The following PABPC4 variants were observed in gnomAD, a reference collection of about 807,000 sequenced individuals.
PABPC4 encodes the protein poly(A) binding protein cytoplasmic 4.
PABPC4 carries 15 observed loss-of-function variants against 74.5 expected under a neutral mutation model. The ratio of observed to expected loss-of-function variants is 0.20; its 90% CI spans 0.13 to 0.31. The LOEUF (loss-of-function observed/expected upper bound fraction) is 0.31. Among genes scored for constraint, PABPC4 ranks in the 10% least tolerant of loss-of-function variants. The pLI is 1.00. For missense variants in PABPC4, 610 were observed against 853.5 expected (o/e 0.71, Z 3.55); for synonymous variants, 345 against 303.0 (o/e 1.14, Z -1.44).
intron 12 of PABPC4, 138 bp downstream of exon 12, chr1:39,563,476 G>A: frequency 8.8e-7 from 1 of 1,132,002 alleles, no homozygotes; most frequent in Non-Finnish European, 1.2e-6. Context: ...CTGAAGGGCA[G>A]GGACAGTGAA....
intron 1 of PABPC4, 124 bp downstream of exon 1, chr1:39,575,635 G>T (rs2124018714): frequency 4.2e-6 from 3 of 722,062 alleles, no homozygotes; most frequent in East Asian, 6.4e-5. Flanking sequence ...TCCGCACCCT[G>T]CTCCCAGCTT....
At chr1:39,573,963 G>A (rs547249751) in intron 1 of PABPC4, among the ~76,000 whole-genome samples, 1 of 152,310 alleles carries the variant, frequency 6.6e-6, no homozygotes, top group East Asian at 1.9e-4. Flanking sequence ...TCCTAACGGT[G>A]ACATCACCCA....
At chr1:39,574,176 T>C (rs1275784181) in intron 1 of PABPC4, among the ~76,000 whole-genome samples, 2 of 152,272 alleles carry the variant, frequency 1.3e-5, no homozygotes, top group East Asian at 3.9e-4. Flanking sequence ...GTGGGCCTCA[T>C]CTGTGTGGGG....
chr1:39,569,839 A>G, intron 4 of PABPC4, 24 bp downstream of exon 4: 2 of 1,612,852 alleles, frequency 1.2e-6, no homozygotes, highest in Non-Finnish European at 1.7e-6. Flanking sequence ...AGACTGTGAA[A>G]GGAGACAAGG....
chr1:39,562,229 A>G, intron 13 of PABPC4, 26 bp from the exon 14 acceptor site: 1 of 1,614,012 alleles, frequency 6.2e-7, no homozygotes, highest in Non-Finnish European at 8.5e-7. Flanking sequence ...TTAATAAAAA[A>G]ACAAATCAAA....
chr1:39,562,306 G>GC lies in PABPC4; in HGVS notation c.1762+16dup. On this transcript the variant is annotated intron_variant, in intron 13 of 15. Coordinates refer to ENST00000372858, the MANE Select transcript of PABPC4 (RefSeq NM_001135653.2). Reference sequence around the variant, plus strand: ...GCTCTGGGACCCTCTTCTTCTGCAAGCAAGTGGGTCACTCACCCAGCATCT... The same window carrying GC: ...GCTCTGGGACCCTCTTCTTCTGCAAGCCAAGTGGGTCACTCACCCAGCATCT... 3 of 1,612,012 alleles carry GC rather than the reference G, an allele frequency of 1.9e-6. No individual in the cohort carries two copies. Among genetic ancestry groups the GC allele is most frequent in the Non-Finnish European group, 2.5e-6 (3 of 1,178,236 alleles).
chr1:39,568,705 C>T, intron 6 of PABPC4, 97 bp downstream of exon 6: 2 of 1,159,566 alleles, frequency 1.7e-6, no homozygotes, highest in South Asian at 2.9e-5. Context: ...GAAGAACACA[C>T]TCCAAGTCCT....
At chr1:39,568,726 G>A (rs1645890908) in intron 6 of PABPC4, 76 bp downstream of exon 6, 3 of 1,397,340 alleles carry the variant, frequency 2.1e-6, no homozygotes, top group South Asian at 2.6e-5. Flanking sequence ...CAAAAAGAAA[G>A]CCCGCTAAAC....
At chr1:39,564,161 C>CT (rs758355582) in intron 10 of PABPC4, 242 of 614,246 alleles carry the variant, frequency 3.9e-4, no homozygotes, top group Non-Finnish European at 6.2e-4. Flanking sequence ...CAAGCTGCCT[C>CT]TGTGGTCATC....
At chr1:39,562,935 C>T (rs114549222) in intron 12 of PABPC4, 2,200 of 153,402 alleles carry the variant, frequency 0.014, 40 homozygotes, top group African/African-American at 0.05. Flanking sequence ...CAACATGCAA[C>T]GTCAATGCTA....
chr1:39,569,318 A>G (rs577767191), intron 5 of PABPC4, among the ~76,000 whole-genome samples: 47 of 152,332 alleles, frequency 3.1e-4, no homozygotes, highest in African/African-American at 1.1e-3. Flanking sequence ...ATCAGCACTC[A>G]CTGGGCTTTA....
intron 7 of PABPC4, among the ~76,000 whole-genome samples, chr1:39,566,070 C>CT (rs1486718059): frequency 6.6e-6 from 1 of 152,124 alleles, no homozygotes; most frequent in Non-Finnish European, 1.5e-5. Context: ...TAGGTGTTTT[C>CT]TTTGAGTCCC....
chr1:39,569,422 A>C (rs1645903121), intron 5 of PABPC4, 173 bp downstream of exon 5: 3 of 613,438 alleles, frequency 4.9e-6, no homozygotes, highest in Non-Finnish European at 8.8e-6. Flanking sequence ...CTTTGTAAAC[A>C]CCTACATGAA....
chr1:39,569,010 A>C (rs1009857019), intron 5 of PABPC4, 71 bp from the exon 6 acceptor site: 22 of 1,504,072 alleles, frequency 1.5e-5, no homozygotes, highest in African/African-American at 2.8e-5. Flanking sequence ...TCTAAGTCCC[A>C]AAAAATATTC....
intron 5 of PABPC4, 83 bp downstream of exon 5, chr1:39,569,512 C>A: frequency 1.1e-6 from 1 of 925,734 alleles, no homozygotes; most frequent in East Asian, 2.4e-5. Context: ...ACCGTCCCAG[C>A]TCTAGGTAGG....
intron 15 of PABPC4, 196 bp downstream of exon 15, chr1:39,561,489 C>T (rs1645768398): frequency 1.7e-6 from 1 of 576,566 alleles, no homozygotes; most frequent in East Asian, 3.0e-5. Flanking sequence ...TTTTATTATT[C>T]ACTCAAGCTC....
At chr1:39,569,483 TCTA>T in intron 5 of PABPC4, 109 bp downstream of exon 5, 1 of 755,466 alleles carries the variant, frequency 1.3e-6, no homozygotes. Context: ...TAATGGTACA[TCTA>T]CTACCAGATA....
At chr1:39,572,287 T>G in intron 2 of PABPC4, 106 bp downstream of exon 2, 3 of 872,272 alleles carry the variant, frequency 3.4e-6, no homozygotes. Context: ...ATTTTGAAAA[T>G]TCCCATATCT....
In PABPC4 at chr1:39,570,253, G is replaced by T. The variant is rs531195556; in HGVS notation, c.504-251C>A. ...TCCTACCACATCACACTGCCTTCAT[G>T]AAGAAACCTGATGGCCATGTTTTTA... is the stretch of plus-strand genomic sequence containing the variant. On this transcript the variant is annotated intron_variant, in intron 3 of 15. Coordinates refer to ENST00000372858, the MANE Select transcript of PABPC4 (RefSeq NM_001135653.2). Among the ~76,000 whole-genome samples the T allele has an allele frequency of 1.3e-4, 20 of 152,306 alleles. 1 individual carries two copies. The South Asian group carries it at 3.9e-3, about 30-fold the overall frequency.
Sources: gnomAD v4.1 joint callset for allele counts (sites outside exome capture counted in the v4.1 genomes callset) on GRCh38, gnomAD v4.1.1 for gene constraint, MANE v1.5 for transcripts, NCBI Gene and HGNC (gene_info 2026-07-23, HGNC 2026-07-21) for gene names.